The following VPS13B variants were observed in gnomAD, a reference collection of about 807,000 sequenced individuals.
The protein encoded by VPS13B is vacuolar protein sorting 13 homolog B.
VPS13B carries 285 observed loss-of-function variants against 426.4 expected under a neutral mutation model. The observed-to-expected ratio is 0.67, with a 90% CI of 0.61 to 0.74. The LOEUF is 0.74. Ranked by LOEUF, VPS13B falls within the 30% of genes least tolerant of loss-of-function variation. The pLI is 0.00. For synonymous variants in VPS13B, 1,676 were observed against 1,676.4 expected (o/e 1.00, Z 0.01); for missense variants, 4,537 against 4,782.6 (o/e 0.95, Z 1.51).
intron 30 of VPS13B, among the ~76,000 whole-genome samples, chr8:99,530,836 G>A (rs1274662719): frequency 1.3e-5 from 2 of 152,064 alleles, no homozygotes; most frequent in East Asian, 3.9e-4. Flanking sequence ...CTTCTCCTAG[G>A]CCACACGTAA....
chr8:99,818,870 A>T lies in VPS13B; in HGVS notation c.8603A>T (p.His2868Leu), dbSNP rs1286390422. The T allele has an allele frequency of 1.9e-6, 3 of 1,602,466 alleles. No individual in the cohort carries two copies. Among genetic ancestry groups the T allele is most frequent in the Admixed American group, 3.4e-5 (2 of 58,688 alleles). The change falls in exon 47 of 62, where the codon CAC (histidine) becomes CTC (leucine). Residue 2868 changes from histidine (H) to leucine (L), a missense_variant. By Grantham distance (99) the His-to-Leu change is moderately conservative. Coordinates refer to ENST00000357162, the MANE Select transcript of VPS13B (RefSeq NM_152564.5). Reference protein sequence around the residue: ...LQNIEPDLVHHLTFQAREEYD... With the variant: ...LQNIEPDLVHLLTFQAREEYD... ...AACATAGAACCTGACCTTGTACATC[A>T]CCTGACATTCCAAGCAAGGTACTAG...
intron 19 of VPS13B, among the ~76,000 whole-genome samples, chr8:99,315,028 C>T (rs537636347): frequency 3.5e-4 from 54 of 152,162 alleles, no homozygotes; most frequent in East Asian, 1.9e-4. Flanking sequence ...AGTTTCTTGT[C>T]GGCAGCATAT....
In VPS13B at chr8:99,192,925, A is replaced by G. The variant is rs781012935; in HGVS notation, c.2383A>G (p.Asn795Asp). The G allele has an allele frequency of 8.7e-6, 14 of 1,613,470 alleles. No individual in the cohort carries two copies. The highest frequency in any genetic ancestry group is 4.0e-5 in the African/African-American group (3 of 74,912). ...AACTGAAGGTATATTTGAACTTCCA[A>G]ATCTCACAATTCAAGCTACAAGAGC... The part of the protein sequence containing the change: ...AITEGIFELP[N>D]LTIQATRAQT... Residue 795 changes from asparagine (N) to aspartate (D), a missense_variant, in exon 17 of 62, where the codon AAT becomes GAT. Coordinates refer to ENST00000357162, the MANE Select transcript of VPS13B (RefSeq NM_152564.5).
intron 17 of VPS13B, chr8:99,233,746 A>AT (rs1816485556): frequency 1.3e-6 from 1 of 780,348 alleles, no homozygotes; most frequent in South Asian, 1.3e-5. Context: ...TTTCATGTTC[A>AT]TTTTTCTTCA....
intron 33 of VPS13B, among the ~76,000 whole-genome samples, chr8:99,612,881 A>G (rs902422733): frequency 6.6e-6 from 1 of 152,136 alleles, no homozygotes; most frequent in African/African-American, 2.4e-5. Flanking sequence ...CTATTTTCCT[A>G]CTATCATTCC....
chr8:99,444,787 C>A (rs1283883620), intron 23 of VPS13B, among the ~76,000 whole-genome samples: 1 of 152,120 alleles, frequency 6.6e-6, no homozygotes, highest in Non-Finnish European at 1.5e-5. Flanking sequence ...CTCCCACCTC[C>A]TGAGTAGCTG....
chr8:99,706,176 G>T (rs888498493), intron 36 of VPS13B, among the ~76,000 whole-genome samples: 1 of 151,820 alleles, frequency 6.6e-6, no homozygotes, highest in Non-Finnish European at 1.5e-5. Flanking sequence ...CACCACCACC[G>T]CAACCAATAA....
At chr8:99,874,129 G>C (rs1360444212) in intron 61 of VPS13B, among the ~76,000 whole-genome samples, 2 of 152,166 alleles carry the variant, frequency 1.3e-5, no homozygotes, top group Non-Finnish European at 1.5e-5. Context: ...AATCCCTTAT[G>C]AGTGGCTCAA....
intron 34 of VPS13B, among the ~76,000 whole-genome samples, chr8:99,650,358 A>G (rs1829757688): frequency 6.6e-6 from 1 of 152,106 alleles, no homozygotes. Flanking sequence ...ATACTATCAA[A>G]TCAAGTTAGC....
At chr8:99,165,400 G>A (rs1185394153) in intron 15 of VPS13B, among the ~76,000 whole-genome samples, 7 of 152,006 alleles carry the variant, frequency 4.6e-5, no homozygotes, top group Admixed American at 2.0e-4. Flanking sequence ...CAAACCCATC[G>A]TTTGAATATG....
At chr8:99,146,193 G>A (rs1430374748) in intron 13 of VPS13B, among the ~76,000 whole-genome samples, 1 of 152,154 alleles carries the variant, frequency 6.6e-6, no homozygotes, top group Non-Finnish European at 1.5e-5. Flanking sequence ...TTATACTCAA[G>A]TATGTCATCA....
At chr8:99,742,060 A>C (rs1380406826) in intron 39 of VPS13B, among the ~76,000 whole-genome samples, 1 of 152,238 alleles carries the variant, frequency 6.6e-6, no homozygotes, top group Non-Finnish European at 1.5e-5. Context: ...ACGATCAACA[A>C]AATTGATAGA....
Position 99,136,721 on chromosome 8 carries a change from C to T in VPS13B, c.1620C>T (p.Tyr540=). 6.2e-7 allele frequency: 1 copy of T among 1,613,564 alleles called. No homozygotes were observed. Among genetic ancestry groups the T allele is most frequent in the South Asian group, 1.1e-5 (1 of 91,074 alleles). The stretch of plus-strand genomic sequence containing the variant: ...GGTTTGGGGCTTTTTATATGGATTA[C>T]CTGTATACAATGGAGAACACTAGTG... ...MQRFGAFYMD[Y]LYTMENTSGK... The change falls in exon 12 of 62, where the codon TAC becomes TAT. Residue 540 remains tyrosine (Y), a synonymous_variant. Transcript: ENST00000357162.
intron 25 of VPS13B, among the ~76,000 whole-genome samples, chr8:99,484,466 C>T (rs1820195361): frequency 6.6e-6 from 1 of 152,060 alleles, no homozygotes; most frequent in African/African-American, 2.4e-5. Context: ...AGTCCAATAT[C>T]AATTTGAAAT....
chr8:99,314,399 A>G (rs1821192679), intron 19 of VPS13B, among the ~76,000 whole-genome samples: 1 of 152,080 alleles, frequency 6.6e-6, no homozygotes. Context: ...TTCTGTAGCT[A>G]TTGAATGAAA....
intron 19 of VPS13B, among the ~76,000 whole-genome samples, chr8:99,286,272 C>G (rs1414078391): frequency 6.6e-6 from 1 of 152,120 alleles, no homozygotes; most frequent in South Asian, 2.1e-4. Context: ...TATTTCATTT[C>G]TGAATTGCTC....
intron 33 of VPS13B, among the ~76,000 whole-genome samples, chr8:99,629,307 A>G (rs138525261): frequency 1.2e-4 from 18 of 152,336 alleles, no homozygotes; most frequent in African/African-American, 3.8e-4. Context: ...CATTGTTATC[A>G]TCTTAATCAC....
intron 56 of VPS13B, 133 bp downstream of exon 56, chr8:99,854,389 C>CTGT: frequency 9.6e-7 from 1 of 1,038,734 alleles, no homozygotes; most frequent in Non-Finnish European, 1.4e-6. Context: ...TACAGTTACA[C>CTGT]AGAACTGGAT....
At chr8:99,079,245 A>C (rs1261529641) in intron 3 of VPS13B, among the ~76,000 whole-genome samples, 2 of 151,926 alleles carry the variant, frequency 1.3e-5, no homozygotes, top group African/African-American at 4.8e-5. Flanking sequence ...GGTGTGTGCA[A>C]GTGGTGGTGG....
Sources: allele counts gnomAD v4.1 joint callset (sites outside exome capture counted in the v4.1 genomes callset), GRCh38; gene constraint gnomAD v4.1.1; transcripts MANE v1.5; gene names NCBI Gene and HGNC (gene_info 2026-07-23, HGNC 2026-07-21).